The following PREX1 variants were observed in gnomAD, a reference collection of about 807,000 sequenced individuals.
PREX1 encodes phosphatidylinositol-3,4,5-trisphosphate dependent Rac exchange factor 1.
PREX1 carries 41 observed loss-of-function variants against 198.3 expected under a neutral mutation model. The observed-to-expected ratio is 0.21, with a 90% CI of 0.16 to 0.27. The LOEUF (loss-of-function observed/expected upper bound fraction) is 0.27. Among genes scored for constraint, PREX1 ranks in the 10% least tolerant of loss-of-function variants. PREX1 has a pLI of 1.00. For synonymous variants in PREX1, 843 were observed against 887.2 expected, an observed-to-expected ratio of 0.95 and a Z score of 0.89; for missense variants, 1,620 against 2,200.7, an observed-to-expected ratio of 0.74 and a Z score of 5.28.
At chr20:48,759,562 A>AAG (rs1277055819) in intron 1 of PREX1, among the ~76,000 whole-genome samples, 9 of 151,182 alleles carry the variant, frequency 6.0e-5, no homozygotes, top group Non-Finnish European at 1.0e-4. Context: ...AAAAAAAAAA[A>AAG]AAAAAAGAAA....
intron 33 of PREX1, among the ~76,000 whole-genome samples, chr20:48,633,146 C>A (rs1368592357): frequency 6.6e-6 from 1 of 152,134 alleles, no homozygotes; most frequent in Non-Finnish European, 1.5e-5. Context: ...GCAGACATCA[C>A]TCATCGATCA....
At chr20:48,637,659 G>A (rs2089375315) in intron 31 of PREX1, 52 bp downstream of exon 31, 9 of 1,528,932 alleles carry the variant, frequency 5.9e-6, no homozygotes, top group Admixed American at 1.9e-5. Flanking sequence ...GTCGGCCTTG[G>A]GTGGTGGAAG....
Position 48,660,033 on chromosome 20 carries a change from C to T in PREX1, c.1767G>A (p.Glu589=). The T allele has an allele frequency of 6.2e-7, 1 of 1,614,222 alleles. No individual in the cohort carries two copies. The highest frequency in any genetic ancestry group is 8.5e-7 in the Non-Finnish European group (1 of 1,180,042). The change falls in exon 16 of 40, where the codon GAG becomes GAA. Residue 589 remains glutamate, a synonymous_variant. Transcript: ENST00000371941. ...HVLEKSEFRD[E]SQYFRFHADE... is the part of the protein sequence containing the mutation. ...CAGCATGAAAGCGGAAGTACTGGGA[C>T]TCATCCCTGAACTCGCTCTTCTCCA...
chr20:48,847,385 C>CAAAAAAAAAAAAAAA, the PREX1 span, among the ~76,000 whole-genome samples: 1 of 122,194 alleles, frequency 8.2e-6, no homozygotes, highest in Non-Finnish European at 1.7e-5. Flanking sequence ...AAAAAAAAAA[C>CAAAAAAAAAAAAAAA]AAACCCTCCC....
chr20:48,639,516 T>C (rs1179918237), intron 30 of PREX1, among the ~76,000 whole-genome samples: 2 of 152,120 alleles, frequency 1.3e-5, no homozygotes, highest in Non-Finnish European at 2.9e-5. Flanking sequence ...TTTGTTTTGT[T>C]TTGTTTCTGA....
chr20:48,766,941 T>A (rs1433882023), intron 1 of PREX1, among the ~76,000 whole-genome samples: 1 of 152,148 alleles, frequency 6.6e-6, no homozygotes, highest in Non-Finnish European at 1.5e-5. Flanking sequence ...CTACGAGAAA[T>A]GCTGCACACT....
At chr20:48,848,017 T>C in the PREX1 span, among the ~76,000 whole-genome samples, 1 of 152,180 alleles carries the variant, frequency 6.6e-6, no homozygotes, top group East Asian at 1.9e-4. Flanking sequence ...ATCTTTTGGG[T>C]TGTCTCCACT....
chr20:48,723,023 T>G (rs547399800), intron 5 of PREX1, among the ~76,000 whole-genome samples: 2 of 152,328 alleles, frequency 1.3e-5, no homozygotes, highest in East Asian at 3.9e-4. Flanking sequence ...AATGGAAAAG[T>G]CAACAAAGCC....
chr20:48,753,661 T>C (rs1039147796), intron 1 of PREX1, among the ~76,000 whole-genome samples: 9 of 152,222 alleles, frequency 5.9e-5, no homozygotes, highest in African/African-American at 2.2e-4. Context: ...ATGCGGGCTC[T>C]TCTCACCCCA....
chr20:48,721,139 G>A (rs2089983455), intron 5 of PREX1, among the ~76,000 whole-genome samples: 1 of 152,166 alleles, frequency 6.6e-6, no homozygotes. Flanking sequence ...AAGAAGACAG[G>A]GGTGGCCTTT....
chr20:48,693,765 G>A (rs770415344), intron 7 of PREX1, among the ~76,000 whole-genome samples: 3 of 151,616 alleles, frequency 2.0e-5, no homozygotes, highest in Non-Finnish European at 4.4e-5. Flanking sequence ...GTCTCACCAC[G>A]CCCAGCTAAT....
Position 48,657,051 on chromosome 20 carries a change from C to G in PREX1, c.2112G>C (p.Thr704=), listed in dbSNP as rs770352335. 3.8e-6 allele frequency: 6 copies of G among 1,594,182 alleles called. No individual in the cohort carries two copies. The Middle Eastern group carries it at 8.3e-4, about 221-fold the overall frequency. Reference sequence around the variant, plus strand: ...CCTGGGACACTCACTCTTTGGCCTTCGTGGCCACCAGGAGGCGCAGAGGGC... The same window carrying G: ...CCTGGGACACTCACTCTTTGGCCTTGGTGGCCACCAGGAGGCGCAGAGGGC... ...SRRPLRLLVA[T]KAKEIIKIPD... Residue 704 remains threonine (T), a synonymous_variant, in exon 18 of 40, where the codon ACG becomes ACC. Transcript: ENST00000371941.
chr20:48,859,065 A>AT, the PREX1 span, among the ~76,000 whole-genome samples: 3 of 151,204 alleles, frequency 2.0e-5, no homozygotes, highest in Admixed American at 6.6e-5. Context: ...CCAGCTCATT[A>AT]TTTTTTTAAA....
upstream of PREX1, among the ~76,000 whole-genome samples, chr20:48,828,879 A>G (rs899299581): frequency 7.9e-5 from 12 of 152,188 alleles, no homozygotes; most frequent in African/African-American, 2.9e-4. Context: ...TGCTCTGGGC[A>G]ATGTTGATCA....
intron 29 of PREX1, among the ~76,000 whole-genome samples, chr20:48,641,838 GAGAGGAAGGAAGGAAGGAAGGAAGGA>G (rs1375176660): frequency 1.5e-3 from 150 of 99,490 alleles, no homozygotes; most frequent in South Asian, 4.9e-3. Context: ...GAGAGAGAGA[GAGAGGAAGGAAGGAAGGAAGGAAGGA>G]AGGAAGGAAG....
At chr20:48,819,742 T>C (rs2090475728) in intron 1 of PREX1, among the ~76,000 whole-genome samples, 1 of 152,206 alleles carries the variant, frequency 6.6e-6, no homozygotes, top group South Asian at 2.1e-4. Flanking sequence ...CTTTTTGCGG[T>C]GTCTGAAGAT....
chr20:48,755,789 C>T (rs957938427), intron 1 of PREX1, among the ~76,000 whole-genome samples: 1 of 152,216 alleles, frequency 6.6e-6, no homozygotes, highest in Non-Finnish European at 1.5e-5. Context: ...TGAACCTAAT[C>T]CTAACTGACA....
At chr20:48,674,652 C>T (rs538642159) in intron 14 of PREX1, among the ~76,000 whole-genome samples, 4 of 152,280 alleles carry the variant, frequency 2.6e-5, no homozygotes, top group South Asian at 4.2e-4. Context: ...CCTCTCTGGG[C>T]CCACTTCCCC....
intron 5 of PREX1, among the ~76,000 whole-genome samples, chr20:48,709,213 C>A (rs536065545): frequency 6.6e-6 from 1 of 152,306 alleles, no homozygotes; most frequent in East Asian, 1.9e-4. Flanking sequence ...ATCACCCAAC[C>A]GCCCCCGTCA....
Sources: gnomAD v4.1 joint callset for allele counts (sites outside exome capture counted in the v4.1 genomes callset) on GRCh38, gnomAD v4.1.1 for gene constraint, MANE v1.5 for transcripts, NCBI Gene and HGNC (gene_info 2026-07-23, HGNC 2026-07-21) for gene names.